BACE1: variants seen among roughly 807,000 people sequenced by gnomAD.
BACE1 encodes beta-secretase 1, also known as APP beta-secretase.
A neutral mutation model predicts 54.0 loss-of-function variants in BACE1; 21 were observed. That is an observed-to-expected ratio of 0.39 (90% confidence interval 0.28 to 0.56). BACE1 has a LOEUF of 0.56. Among genes scored for constraint, BACE1 ranks in the 20% least tolerant of loss-of-function variants. The pLI is 0.63. For synonymous variants in BACE1, 232 were observed against 260.9 expected (o/e 0.89, Z 1.07); for missense variants, 511 against 661.2 (o/e 0.77, Z 2.49).
intron 1 of BACE1, among the ~76,000 whole-genome samples, chr11:117,311,440 A>G (rs559384326): frequency 2.7e-3 from 405 of 152,048 alleles, no homozygotes; most frequent in Non-Finnish European, 4.7e-3. Flanking sequence ...GAATCTCAAA[A>G]CCATCTTTGA....
Position 117,289,802 on chromosome 11 carries a change from C to T in BACE1, c.1270G>A (p.Asp424Asn), listed in dbSNP as rs535219476. ...GFAVSACHVH[D>N]EFRTAAVEGP... ...TCCACCGCTGCCGTCCTGAACTCAT[C>T]GTGCACTGGGGAGAGGGCAAATGTG... Residue 424 changes from aspartate (D) to asparagine (N), a missense_variant, in exon 9 of 9, where the codon GAT becomes AAT. This residue lies in a region of BACE1 where 407 missense variants were observed against 565.7 expected (regional missense o/e 0.72). Coordinates refer to ENST00000313005, the MANE Select transcript of BACE1 (RefSeq NM_012104.6). The T allele has an allele frequency of 4.6e-5, 74 of 1,613,322 alleles. No homozygotes were observed. The highest frequency in any genetic ancestry group is 2.0e-4 in the South Asian group (18 of 91,076).
In BACE1 at chr11:117,286,965, C is replaced by T. The variant is rs2034281149; in HGVS notation, c.*2601G>A. On this transcript the variant is annotated 3_prime_UTR_variant, in exon 9 of 9. Transcript: ENST00000313005. ...ATCTTGTAATCTTAAGATTTCCTCT[C>T]CCCTCAACTTTACAGCAGCCTTAGG... is the stretch of plus-strand genomic sequence containing the variant. 6.6e-6 allele frequency: 1 copy of T among 152,308 alleles called. No homozygotes were observed. Among genetic ancestry groups the T allele is most frequent in the Non-Finnish European group, 1.5e-5 (1 of 68,034 alleles). 9.4% of individuals were successfully genotyped at this position (152,308 alleles called of 1,614,324 possible). A position where few individuals can be genotyped will look rare whatever the true frequency, so the allele number is the denominator to read the frequency against.
chr11:117,304,099 G>A (rs1388290906), intron 1 of BACE1, among the ~76,000 whole-genome samples: 2 of 152,234 alleles, frequency 1.3e-5, no homozygotes, highest in African/African-American at 4.8e-5. Context: ...CTCTGACAGT[G>A]ATTCTGGGCT....
rs2034524068 is a variant in BACE1 at position 117,293,842 on chromosome 11, G to A, written c.705+29C>T. ...GGCACCCATCTCTCCCTCAATGCCA[G>A]GACCTCCCCTCTCTGAGGACCTACT... On this transcript the variant is annotated intron_variant, in intron 4 of 8. Transcript: ENST00000313005. The surrounding 1 kb of genome is among the most constrained non-coding windows in gnomAD (Gnocchi z 4.1). 1 of 1,593,990 alleles carries A rather than the reference G, an allele frequency of 6.3e-7. No homozygotes were observed. Among genetic ancestry groups the A allele is most frequent in the African/African-American group, 1.3e-5 (1 of 74,194 alleles).
Position 117,315,693 on chromosome 11 carries a change from C to T in BACE1, c.103G>A (p.Gly35Arg), listed in dbSNP as rs903692053. Residue 35 changes from glycine to arginine, a missense_variant, in exon 1 of 9, where the codon GGG becomes AGG. By Grantham distance (125) the Gly-to-Arg change is moderately radical (BLOSUM62 -2). Transcript: ENST00000313005. This position sits in a 1 kb window ranked among gnomAD's most constrained non-coding sequence, Gnocchi z 5.5. The stretch of plus-strand genomic sequence containing the variant: ...AGCCGCAGCCCCAGGGGGGCGCCCC[C>T]CAGGCCGCTGCGCAGGGGCAGCCGG... ...GIRLPLRSGLGGAPLGLRLPR... is the reference protein window; with the variant it reads ...GIRLPLRSGLRGAPLGLRLPR... 22 of 1,514,290 alleles carry T rather than the reference C, an allele frequency of 1.5e-5. No individual in the cohort carries two copies. Among genetic ancestry groups the T allele is most frequent in the South Asian group, 3.7e-5 (3 of 80,546 alleles). The allele number at this position is 1,514,290 out of a possible 1,614,324, so 93.8% of individuals were successfully genotyped here.
chr11:117,291,804 C>A lies in BACE1; in HGVS notation c.850G>T (p.Asp284Tyr). ...LKMDCKEYNY[D>Y]KSIVDSGTTN... ...GTGCCACTGTCCACAATGCTCTTGTCATAGTTGTACTAAGAGGGAAAAGAG... is the reference window on the plus strand; with the variant it reads ...GTGCCACTGTCCACAATGCTCTTGTAATAGTTGTACTAAGAGGGAAAAGAG... The change falls in exon 6 of 9, where the codon GAC (aspartate) becomes TAC (tyrosine). Residue 284 changes from aspartate to tyrosine, a missense_variant. Around this residue, in one of 2 missense-constraint regions of BACE1, gnomAD observed 407 missense variants for 565.7 expected, o/e 0.72. Coordinates refer to ENST00000313005, the MANE Select transcript of BACE1 (RefSeq NM_012104.6). 2.5e-6 allele frequency: 4 copies of A among 1,610,322 alleles called. No homozygotes were observed. Among genetic ancestry groups the A allele is most frequent in the Non-Finnish European group, 3.4e-6 (4 of 1,176,870 alleles).
chr11:117,307,367 A>G (rs1359759494), intron 1 of BACE1, among the ~76,000 whole-genome samples: 1 of 152,120 alleles, frequency 6.6e-6, no homozygotes, highest in Admixed American at 6.5e-5. Flanking sequence ...GCTGGAGTGC[A>G]GTGGCATGAT....
At position 117,315,044 on chromosome 11, in the gene BACE1, A is replaced by T. The variant is rs955130712; in HGVS notation, c.261+491T>A. On this transcript the variant is annotated intron_variant, in intron 1 of 8. Transcript: ENST00000313005. This position sits in a 1 kb window ranked among gnomAD's most constrained non-coding sequence, Gnocchi z 5.5. Reference sequence around the variant, plus strand: ...CACTTTGCCGTACCAGTGGCAGCCCAGATGGTGGGAGCAAGGTGCTTATTC... The same window carrying T: ...CACTTTGCCGTACCAGTGGCAGCCCTGATGGTGGGAGCAAGGTGCTTATTC... Among the ~76,000 whole-genome samples, 3 of 152,212 alleles carry T rather than the reference A, an allele frequency of 2.0e-5. No individual in the cohort carries two copies. The highest frequency in any genetic ancestry group is 7.2e-5 in the African/African-American group (3 of 41,460).
chr11:117,296,732 C>CTGTCT, intron 2 of BACE1, 141 bp downstream of exon 2: 1 of 637,394 alleles, frequency 1.6e-6, no homozygotes, highest in Non-Finnish European at 2.7e-6. Context: ...CTCCTGGTCA[C>CTGTCT]TGTCTTTTTT....
intron 1 of BACE1, chr11:117,297,250 GAGTCAAAAAAATATAGGA>G: frequency 2.9e-6 from 1 of 350,632 alleles, no homozygotes; most frequent in Non-Finnish European, 5.1e-6. Flanking sequence ...ATATGCAAGG[GAGTCAAAAAAATATAGGA>G]AGTCAAAGAG....
At chr11:117,308,492 A>G (rs1479043014) in intron 1 of BACE1, among the ~76,000 whole-genome samples, 1 of 152,178 alleles carries the variant, frequency 6.6e-6, no homozygotes, top group Non-Finnish European at 1.5e-5. Context: ...CAGGAAGGAA[A>G]GGCCCCGGTA....
chr11:117,314,285 T>C (rs2035021131), intron 1 of BACE1, among the ~76,000 whole-genome samples: 1 of 152,042 alleles, frequency 6.6e-6, no homozygotes, highest in Non-Finnish European at 1.5e-5. Context: ...CTGGGGAAGT[T>C]ATGGTGCACA....
Position 117,290,924 on chromosome 11 carries a change from G to A in BACE1, c.1068C>T (p.Ser356=). Residue 356 remains serine (S), a synonymous_variant, in exon 7 of 9, where the codon TCC becomes TCT. Transcript: ENST00000313005. ...CCTGCGGAAGGATGGTGATGCGGAAGGACTGGTTGGTAACCTCACCCATTA... is the reference window on the plus strand; with the variant it reads ...CCTGCGGAAGGATGGTGATGCGGAAAGACTGGTTGGTAACCTCACCCATTA... ...LYLMGEVTNQ[S]FRITILPQQY... is the part of the protein sequence containing the mutation. 1 of 1,614,152 alleles carries A rather than the reference G, an allele frequency of 6.2e-7. No individual in the cohort carries two copies. Among genetic ancestry groups the A allele is most frequent in the Middle Eastern group, 1.7e-4 (1 of 6,038 alleles).
At chr11:117,291,886 T>G in intron 5 of BACE1, 73 bp from the exon 6 acceptor site, 1 of 1,195,520 alleles carries the variant, frequency 8.4e-7, no homozygotes, top group Non-Finnish European at 1.2e-6. Context: ...AGGGGGTTAC[T>G]GCTGGGGCCC....
Position 117,315,689 on chromosome 11 carries a change from C to G in BACE1, c.107G>C (p.Gly36Ala), listed in dbSNP as rs1212561512. 2.6e-6 allele frequency: 4 copies of G among 1,512,368 alleles called. No individual in the cohort carries two copies. Among genetic ancestry groups the G allele is most frequent in the Non-Finnish European group, 3.5e-6 (4 of 1,132,964 alleles). The allele number at this position is 1,512,368 out of a possible 1,614,324, so 93.7% of individuals were successfully genotyped here. The change falls in exon 1 of 9, where the codon GGC becomes GCC. Residue 36 changes from glycine (G) to alanine (A), a missense_variant. Transcript: ENST00000313005. This position sits in a 1 kb window ranked among gnomAD's most constrained non-coding sequence, Gnocchi z 5.5. The part of the protein sequence containing the change: ...IRLPLRSGLG[G>A]APLGLRLPRE... ...GGGCAGCCGCAGCCCCAGGGGGGCG[C>G]CCCCCAGGCCGCTGCGCAGGGGCAG...
chr11:117,297,242 A>C, intron 1 of BACE1: 1 of 378,202 alleles, frequency 2.6e-6, no homozygotes, highest in Non-Finnish European at 4.7e-6. Context: ...AAGAACTAAT[A>C]TGCAAGGGAG....
At chr11:117,296,176 T>C (rs2034593720) in intron 2 of BACE1, among the ~76,000 whole-genome samples, 1 of 152,156 alleles carries the variant, frequency 6.6e-6, no homozygotes, top group Non-Finnish European at 1.5e-5. Flanking sequence ...TTCTTCCTGC[T>C]TTTATGCTAA....
Position 117,293,159 on chromosome 11 carries a change from G to A in BACE1, c.735C>T (p.Tyr245=). Residue 245 remains tyrosine (Y), a synonymous_variant, in exon 5 of 9, where the codon TAC becomes TAT. Transcript: ENST00000313005. The surrounding 1 kb of genome is among the most constrained non-coding windows in gnomAD (Gnocchi z 4.1). The part of the protein sequence containing the change: ...MIIGGIDHSL[Y]TGSLWYTPIR... Reference sequence around the variant, plus strand: ...TGGGTGTATACCAGAGACTGCCTGTGTACAGCGAGTGGTCGATACCTCCAA... The same window carrying A: ...TGGGTGTATACCAGAGACTGCCTGTATACAGCGAGTGGTCGATACCTCCAA... The A allele has an allele frequency of 6.2e-7, 1 of 1,613,984 alleles. No individual in the cohort carries two copies. The highest frequency in any genetic ancestry group is 8.5e-7 in the Non-Finnish European group (1 of 1,179,970).
intron 1 of BACE1, among the ~76,000 whole-genome samples, chr11:117,298,697 G>A (rs1439592097): frequency 6.6e-6 from 1 of 152,220 alleles, no homozygotes; most frequent in African/African-American, 2.4e-5. Flanking sequence ...TGGGGAGCCA[G>A]GAGCCCCATA....
Sources: allele counts gnomAD v4.1 joint callset (sites outside exome capture counted in the v4.1 genomes callset), GRCh38; gene constraint gnomAD v4.1.1; regional missense constraint gnomAD v4.1.1; non-coding constraint Gnocchi (gnomAD v3.1); transcripts MANE v1.5; gene names NCBI Gene and HGNC (gene_info 2026-07-23, HGNC 2026-07-21).